Variants in FECH observed in about 807,000 individuals in gnomAD.
FECH encodes ferrochelatase, mitochondrial.
A neutral mutation model predicts 56.9 loss-of-function variants in FECH; 40 were observed. The ratio of observed to expected loss-of-function variants is 0.70; its 90% CI spans 0.55 to 0.92. FECH has a LOEUF of 0.92. Among genes scored for constraint, FECH ranks in the 40% least tolerant of loss-of-function variants. FECH has a pLI of 0.00. For synonymous variants in FECH, 175 were observed against 198.6 expected, an observed-to-expected ratio of 0.88 and a Z score of 1.00; for missense variants, 431 against 529.1, an observed-to-expected ratio of 0.81 and a Z score of 1.82.
chr18:57,552,281 A>G (rs1167387990), intron 9 of FECH, among the ~76,000 whole-genome samples: 1 of 152,122 alleles, frequency 6.6e-6, no homozygotes, highest in Non-Finnish European at 1.5e-5. Context: ...CCACTGCCTA[A>G]TAACTGAAAA....
chr18:57,556,039 G>C (rs1462609852), intron 7 of FECH, among the ~76,000 whole-genome samples: 1 of 152,214 alleles, frequency 6.6e-6, no homozygotes, highest in Admixed American at 6.5e-5. Context: ...TGAGGCAGAA[G>C]AATCACTTGA....
Position 57,554,248 on chromosome 18 carries a change from G to A in FECH, c.1077+12C>T, listed in dbSNP as rs2050837261. The A allele has an allele frequency of 1.9e-6, 3 of 1,614,128 alleles. No homozygotes were observed. Among genetic ancestry groups the A allele is most frequent in the Non-Finnish European group, 2.5e-6 (3 of 1,179,964 alleles). On this transcript the variant is annotated intron_variant, in intron 9 of 10. Transcript: ENST00000262093. The stretch of plus-strand genomic sequence containing the variant: ...AAGTCATGATGGGAAAAAGGCAGAT[G>A]GGTGCATTTACCTCCTTGGCTAAAA...
At chr18:57,581,340 T>C (rs2051274587) in intron 1 of FECH, among the ~76,000 whole-genome samples, 1 of 152,292 alleles carries the variant, frequency 6.6e-6, no homozygotes, top group East Asian at 1.9e-4. Context: ...TCATGTGCCA[T>C]ACTCAGCTGT....
At chr18:57,586,516 A>G in intron 1 of FECH, 38 bp downstream of exon 1, 1 of 1,518,262 alleles carries the variant, frequency 6.6e-7, no homozygotes, top group Non-Finnish European at 8.8e-7. Context: ...CTTCTCAGGG[A>G]TCCTGGCCCT....
chr18:57,562,670 A>G lies in FECH; in HGVS notation c.705+204T>C, dbSNP rs375563170. On this transcript the variant is annotated intron_variant, in intron 6 of 10. Transcript: ENST00000262093. ...GGACTAATAGCATTAATCTGAAGAA[A>G]GAAGAGTCTAGTCATTTTAATCTTT... 3.3e-5 allele frequency among the ~76,000 whole-genome samples: 5 copies of G among 152,356 alleles called. No homozygotes were observed. The East Asian group carries it at 5.8e-4, about 18-fold the overall frequency.
At position 57,572,106 on chromosome 18, in the gene FECH, G is replaced by C. The variant is rs538860149; in HGVS notation, c.315-566C>G. On this transcript the variant is annotated intron_variant, in intron 3 of 10. Coordinates refer to ENST00000262093, the MANE Select transcript of FECH (RefSeq NM_000140.5). Reference sequence around the variant, plus strand: ...AAAAAATGAGCCAGACCTATATATCGATATAACGTTATGAAACAAGATACA... The same window carrying C: ...AAAAAATGAGCCAGACCTATATATCCATATAACGTTATGAAACAAGATACA... Among the ~76,000 whole-genome samples the C allele has an allele frequency of 2.6e-5, 4 of 152,136 alleles. No individual in the cohort carries two copies. In the East Asian group the frequency reaches 7.7e-4, roughly 29 times the overall value.
chr18:57,561,579 T>C (rs573210868), intron 6 of FECH, among the ~76,000 whole-genome samples: 1 of 152,378 alleles, frequency 6.6e-6, no homozygotes, highest in Admixed American at 6.5e-5. Flanking sequence ...GGAGGGCAGA[T>C]AAATGCCTCT....
At chr18:57,579,962 C>T (rs2051251121) in intron 2 of FECH, 111 bp downstream of exon 2, 17 of 1,445,096 alleles carry the variant, frequency 1.2e-5, no homozygotes, top group Non-Finnish European at 1.6e-5. Flanking sequence ...AAGAAAATAG[C>T]TCCTTCCACA....
intron 6 of FECH, among the ~76,000 whole-genome samples, chr18:57,560,652 AAAT>A (rs958123891): frequency 6.6e-6 from 1 of 152,236 alleles, no homozygotes; most frequent in Non-Finnish European, 1.5e-5. Flanking sequence ...CCCTGCCTCA[AAAT>A]AATAATAATA....
At position 57,547,660 on chromosome 18, in the gene FECH, T is replaced by A. The variant is rs376428221; in HGVS notation, c.*3052A>T. Among the ~76,000 whole-genome samples the A allele has an allele frequency of 6.6e-6, 1 of 151,950 alleles. No homozygotes were observed. Among genetic ancestry groups the A allele is most frequent in the African/African-American group, 2.4e-5 (1 of 41,372 alleles). Reference sequence around the variant, plus strand: ...TCTTTTTTTTGGTTTTGGGACAGGGTCTTCCTCTGTCACCCAGGCTGGAGT... The same window carrying A: ...TCTTTTTTTTGGTTTTGGGACAGGGACTTCCTCTGTCACCCAGGCTGGAGT... On this transcript the variant is annotated 3_prime_UTR_variant, in exon 11 of 11. Coordinates refer to ENST00000262093, the MANE Select transcript of FECH (RefSeq NM_000140.5).
Position 57,566,573 on chromosome 18 carries a change from T to C in FECH, c.472A>G (p.Lys158Glu). 1 of 1,614,160 alleles carries C rather than the reference T, an allele frequency of 6.2e-7. No homozygotes were observed. The highest frequency in any genetic ancestry group is 8.5e-7 in the Non-Finnish European group (1 of 1,180,008). The change falls in exon 5 of 11, where the codon AAA becomes GAA. Residue 158 changes from lysine to glutamate, a missense_variant. Transcript: ENST00000262093. ...ACGTACCGAAATCCAATATAGTATTTGTGAGGGGCTATTAGGAAGCACATG... is the reference window on the plus strand; with the variant it reads ...ACGTACCGAAATCCAATATAGTATTCGTGAGGGGCTATTAGGAAGCACATG... ...DELSPNTAPH[K>E]YYIGFRYVHP...
Position 57,580,212 on chromosome 18 carries a change from T to G in FECH, c.68-13A>C, listed in dbSNP as rs1349283896. 1 of 1,613,978 alleles carries G rather than the reference T, an allele frequency of 6.2e-7. No individual in the cohort carries two copies. Among genetic ancestry groups the G allele is most frequent in the South Asian group, 1.1e-5 (1 of 91,082 alleles). On this transcript the variant is annotated splice_polypyrimidine_tract_variant and intron_variant, in intron 1 of 10. Coordinates refer to ENST00000262093, the MANE Select transcript of FECH (RefSeq NM_000140.5). ...CTGCTGGATGCCACTGTGACAAAAT[T>G]AAAGTGCTCGCATGAAATCTAGCTA...
chr18:57,566,161 G>A (rs1422187495), intron 5 of FECH, among the ~76,000 whole-genome samples: 1 of 152,150 alleles, frequency 6.6e-6, no homozygotes, highest in East Asian at 1.9e-4. Context: ...AGAGCCTTAA[G>A]GTTCATTACT....
intron 10 of FECH, 89 bp downstream of exon 10, chr18:57,551,226 T>G: frequency 1.1e-6 from 1 of 944,014 alleles, no homozygotes; most frequent in Non-Finnish European, 1.7e-6. Flanking sequence ...AATGTTCTAA[T>G]ATGTGAGAAA....
chr18:57,558,691 G>A (rs1339876543), intron 7 of FECH, among the ~76,000 whole-genome samples: 1 of 152,156 alleles, frequency 6.6e-6, no homozygotes, highest in Non-Finnish European at 1.5e-5. Context: ...AGGCCTGGGC[G>A]GGTGGATCAC....
chr18:57,579,763 G>A (rs916509364), intron 2 of FECH, among the ~76,000 whole-genome samples: 1 of 152,144 alleles, frequency 6.6e-6, no homozygotes, highest in Non-Finnish European at 1.5e-5. Flanking sequence ...ATTATGTTAG[G>A]TTCGTAAATA....
At chr18:57,575,370 G>A (rs2051170630) in intron 2 of FECH, among the ~76,000 whole-genome samples, 1 of 152,160 alleles carries the variant, frequency 6.6e-6, no homozygotes, top group African/African-American at 2.4e-5. Flanking sequence ...AACCAATGCT[G>A]CTGAGACAGA....
intron 2 of FECH, among the ~76,000 whole-genome samples, chr18:57,578,300 G>C (rs1331148986): frequency 6.6e-6 from 1 of 152,168 alleles, no homozygotes; most frequent in Non-Finnish European, 1.5e-5. Context: ...ACTAACCTCA[G>C]GTTACACAGC....
At chr18:57,579,594 G>A (rs1473516558) in intron 2 of FECH, among the ~76,000 whole-genome samples, 3 of 152,128 alleles carry the variant, frequency 2.0e-5, no homozygotes, top group African/African-American at 4.8e-5. Context: ...GGTATGAAAC[G>A]TGTACTTCAC....
Sources: gnomAD v4.1 joint callset for allele counts (sites outside exome capture counted in the v4.1 genomes callset) on GRCh38, gnomAD v4.1.1 for gene constraint, MANE v1.5 for transcripts, NCBI Gene and HGNC (gene_info 2026-07-23, HGNC 2026-07-21) for gene names.